SERGEF: variants seen among roughly 807,000 people sequenced by gnomAD.
SERGEF encodes secretion-regulating guanine nucleotide exchange factor.
A neutral mutation model predicts 50.0 loss-of-function variants in SERGEF; 51 were observed. The observed-to-expected ratio is 1.02, with a 90% CI of 0.81 to 1.29. SERGEF has a LOEUF of 1.29. Ranked by LOEUF, SERGEF falls within the 50% of genes most tolerant of loss-of-function variation. The pLI is 0.00. For missense variants in SERGEF, 521 were observed against 557.0 expected, an observed-to-expected ratio of 0.94 and a Z score of 0.65; for synonymous variants, 205 against 212.4, an observed-to-expected ratio of 0.97 and a Z score of 0.30.
chr11:17,788,200 G>T lies in SERGEF; in HGVS notation c.1262C>A (p.Ala421Asp). 1 of 1,607,202 alleles carries T rather than the reference G, an allele frequency of 6.2e-7. No individual in the cohort carries two copies. The highest frequency in any genetic ancestry group is 1.1e-5 in the South Asian group (1 of 90,790). The change falls in exon 11 of 11, where the codon GCC becomes GAC. Residue 421 changes from alanine (A) to aspartate (D), a missense_variant. Transcript: ENST00000265965. ...TTTCTGAGATTCAGTGTCCTCGATG[G>T]CATCTGGGGAAAGGTAGGTGACCTT... is the stretch of plus-strand genomic sequence containing the variant. ...DPKVTYLSPD[A>D]IEDTESQKAM...
At chr11:17,806,015 G>A (rs1161228414) in intron 10 of SERGEF, among the ~76,000 whole-genome samples, 1 of 152,192 alleles carries the variant, frequency 6.6e-6, no homozygotes, top group East Asian at 1.9e-4. Flanking sequence ...CTGGGCCACA[G>A]GGCAGCTGGA....
chr11:17,805,434 C>T (rs144689780), intron 10 of SERGEF, among the ~76,000 whole-genome samples: 105 of 152,348 alleles, frequency 6.9e-4, no homozygotes, highest in African/African-American at 2.1e-3. Flanking sequence ...GCTGAGCTCA[C>T]GGTGGCTCAT....
intron 5 of SERGEF, among the ~76,000 whole-genome samples, chr11:17,997,128 T>C (rs866181896): frequency 7.9e-5 from 12 of 152,116 alleles, no homozygotes; most frequent in African/African-American, 2.4e-4. Context: ...GCCTGGGTGG[T>C]GGAGGCTGCA....
At chr11:17,870,703 A>T (rs1056799547) in intron 10 of SERGEF, among the ~76,000 whole-genome samples, 2 of 152,214 alleles carry the variant, frequency 1.3e-5, no homozygotes, top group African/African-American at 4.8e-5. Flanking sequence ...GAAAATACAA[A>T]TAGTTCTTGA....
At chr11:17,864,624 G>A (rs1850988517) in intron 10 of SERGEF, among the ~76,000 whole-genome samples, 1 of 152,164 alleles carries the variant, frequency 6.6e-6, no homozygotes. Context: ...GTGTGGTAGT[G>A]GCAACGAATA....
chr11:17,850,154 C>G (rs947652301), intron 10 of SERGEF, among the ~76,000 whole-genome samples: 1 of 152,134 alleles, frequency 6.6e-6, no homozygotes, highest in Non-Finnish European at 1.5e-5. Flanking sequence ...AATAACTAAC[C>G]TACTCCCACA....
At chr11:17,866,562 T>C (rs1401146896) in intron 10 of SERGEF, among the ~76,000 whole-genome samples, 1 of 152,182 alleles carries the variant, frequency 6.6e-6, no homozygotes, top group African/African-American at 2.4e-5. Flanking sequence ...TGGAGTCCAG[T>C]GGCAGGATCT....
chr11:17,967,509 T>G (rs1376913171), intron 8 of SERGEF, among the ~76,000 whole-genome samples: 1 of 152,206 alleles, frequency 6.6e-6, no homozygotes, highest in African/African-American at 2.4e-5. Context: ...TGCTCCATTT[T>G]CACCACTGAC....
intron 10 of SERGEF, among the ~76,000 whole-genome samples, chr11:17,865,070 C>A (rs1001232088): frequency 2.6e-5 from 4 of 152,156 alleles, no homozygotes; most frequent in Admixed American, 2.6e-4. Flanking sequence ...ATTTTGTTGA[C>A]CAAAACATCA....
rs67114053 is a variant in SERGEF at position 17,976,457 on chromosome 11, A to AT, written c.844+12139dup. 3.1e-3 allele frequency among the ~76,000 whole-genome samples: 307 copies of AT among 98,992 alleles called. 2 individuals are homozygous for AT. Among genetic ancestry groups the AT allele is most frequent in the African/African-American group, 0.011 (276 of 25,592 alleles). 64.9% of individuals were successfully genotyped at this position (98,992 alleles called of 152,430 possible). On this transcript the variant is annotated intron_variant, in intron 8 of 10. Coordinates refer to ENST00000265965, the MANE Select transcript of SERGEF (RefSeq NM_012139.4). ...TGCACCACCACCTCGGCTAATTTTC[A>AT]TTTTTTTTTTTTTTTTTTTTTTTTA...
intron 10 of SERGEF, among the ~76,000 whole-genome samples, chr11:17,805,316 G>A: frequency 6.6e-6 from 1 of 152,306 alleles, no homozygotes; most frequent in East Asian, 1.9e-4. Flanking sequence ...ATCTGCAAGG[G>A]CCCTCCCGGA....
chr11:17,860,387 A>C (rs1250926542), intron 10 of SERGEF, among the ~76,000 whole-genome samples: 2 of 152,188 alleles, frequency 1.3e-5, no homozygotes, highest in Non-Finnish European at 2.9e-5. Context: ...GTGAGGATGG[A>C]GGGAAGGGAA....
intron 9 of SERGEF, among the ~76,000 whole-genome samples, chr11:17,892,032 A>G (rs530321606): frequency 7.2e-5 from 11 of 152,280 alleles, no homozygotes; most frequent in Admixed American, 2.0e-4. Context: ...GGGGTGAAAA[A>G]GGGGAGGGGA....
intron 9 of SERGEF, among the ~76,000 whole-genome samples, chr11:17,933,054 TATC>T (rs1852385091): frequency 6.6e-6 from 1 of 152,196 alleles, no homozygotes; most frequent in African/African-American, 2.4e-5. Flanking sequence ...GGTCTAATGT[TATC>T]ATCCAAATGC....
At chr11:17,875,487 C>G (rs1375799554) in intron 10 of SERGEF, among the ~76,000 whole-genome samples, 2 of 152,246 alleles carry the variant, frequency 1.3e-5, no homozygotes, top group African/African-American at 4.8e-5. Context: ...TGTCAATTGA[C>G]TCACAATAAA....
chr11:17,979,882 G>A (rs181115570), intron 8 of SERGEF, among the ~76,000 whole-genome samples: 33 of 152,308 alleles, frequency 2.2e-4, no homozygotes, highest in African/African-American at 7.7e-4. Context: ...AATCAAGACT[G>A]ATCTTCACCT....
chr11:17,929,739 T>C (rs952649023), intron 9 of SERGEF, among the ~76,000 whole-genome samples: 2 of 152,212 alleles, frequency 1.3e-5, no homozygotes, highest in African/African-American at 4.8e-5. Flanking sequence ...GGTTGTTTCA[T>C]GCTTCAACAC....
intron 3 of SERGEF, 59 bp from the exon 4 acceptor site, chr11:18,004,594 G>T: frequency 8.4e-7 from 1 of 1,191,640 alleles, no homozygotes; most frequent in Non-Finnish European, 1.2e-6. Flanking sequence ...GTGACCAATG[G>T]GTAAATGCTG....
chr11:17,938,660 G>A (rs1393616081), intron 9 of SERGEF, among the ~76,000 whole-genome samples: 2 of 152,172 alleles, frequency 1.3e-5, no homozygotes, highest in African/African-American at 4.8e-5. Flanking sequence ...ACTGAGACAT[G>A]AGGAAATATG....
Sources: gnomAD v4.1 joint callset for allele counts (sites outside exome capture counted in the v4.1 genomes callset) on GRCh38, gnomAD v4.1.1 for gene constraint, MANE v1.5 for transcripts, NCBI Gene and HGNC (gene_info 2026-07-23, HGNC 2026-07-21) for gene names.